DENND1B: variants seen among roughly 807,000 people sequenced by gnomAD.
DENND1B encodes the protein DENN domain containing 1B, also known as DENN domain-containing protein 1B.
Under a neutral mutation model 90.1 loss-of-function variants are expected in DENND1B, and 59 were observed. The observed-to-expected ratio is 0.65, with a 90% CI of 0.53 to 0.81. The LOEUF is 0.81. Among genes scored for constraint, DENND1B ranks in the 40% least tolerant of loss-of-function variants. The pLI is 0.00. For synonymous variants in DENND1B, 337 were observed against 324.6 expected (o/e 1.04, Z -0.41); for missense variants, 862 against 912.6 (o/e 0.94, Z 0.71).
intron 3 of DENND1B, among the ~76,000 whole-genome samples, chr1:197,706,159 T>A (rs1301548244): frequency 1.3e-5 from 2 of 152,198 alleles, no homozygotes; most frequent in African/African-American, 4.8e-5. Context: ...GGACTTAAAT[T>A]ATAGCTAAGT....
rs183543531 is a variant in DENND1B, at chr1:197,522,948, C to T, written c.1516-9995G>A. On this transcript the variant is annotated intron_variant, in intron 20 of 22. Coordinates refer to ENST00000620048, the MANE Select transcript of DENND1B (RefSeq NM_001195215.2). ...AACATGTCAGCTTAGAATAGCTGAG[C>T]GTCTCAAAGACAGGGGGAGTTTGCA... Among the ~76,000 whole-genome samples the T allele has an allele frequency of 3.9e-5, 6 of 152,184 alleles. No individual in the cohort carries two copies. In the East Asian group the frequency reaches 9.7e-4, roughly 25 times the overall value.
intron 10 of DENND1B, among the ~76,000 whole-genome samples, chr1:197,633,776 T>C (rs952075128): frequency 1.7e-4 from 26 of 152,160 alleles, no homozygotes; most frequent in African/African-American, 6.0e-4. Flanking sequence ...CTGCACCTGA[T>C]TACTGGAGTG....
intron 16 of DENND1B, among the ~76,000 whole-genome samples, chr1:197,547,986 G>T (rs1253024657): frequency 2.0e-5 from 3 of 152,106 alleles, no homozygotes; most frequent in Admixed American, 6.6e-5. Flanking sequence ...CAGTATTCTG[G>T]AAAGTGTTTT....
intron 14 of DENND1B, among the ~76,000 whole-genome samples, chr1:197,594,574 G>A (rs1675522304): frequency 6.6e-6 from 1 of 152,090 alleles, no homozygotes; most frequent in Non-Finnish European, 1.5e-5. Context: ...AGCCTAACAT[G>A]CTCTAACCAA....
At chr1:197,638,516 T>C (rs1679987178) in intron 10 of DENND1B, among the ~76,000 whole-genome samples, 2 of 152,080 alleles carry the variant, frequency 1.3e-5, no homozygotes, top group African/African-American at 4.8e-5. Flanking sequence ...CCCAGCTGAA[T>C]AGTTAGAGAA....
chr1:197,733,414 C>CT (rs1265626119), intron 2 of DENND1B, among the ~76,000 whole-genome samples: 1 of 152,214 alleles, frequency 6.6e-6, no homozygotes, highest in Non-Finnish European at 1.5e-5. Flanking sequence ...TTACCCAACA[C>CT]TTTTTCCCCC....
chr1:197,631,120 C>T (rs1454472600), intron 10 of DENND1B, among the ~76,000 whole-genome samples: 1 of 152,010 alleles, frequency 6.6e-6, no homozygotes, highest in African/African-American at 2.4e-5. Context: ...ACTTTTCCAC[C>T]AAAATTAAAG....
At chr1:197,646,985 C>T (rs1680777923) in intron 8 of DENND1B, 70 bp downstream of exon 8, 3 of 1,164,508 alleles carry the variant, frequency 2.6e-6, no homozygotes, top group Non-Finnish European at 3.5e-6. Flanking sequence ...AGCTTAAAGG[C>T]ATAGTGAAAT....
intron 2 of DENND1B, among the ~76,000 whole-genome samples, chr1:197,753,251 C>T (rs1387700840): frequency 6.6e-6 from 1 of 151,922 alleles, no homozygotes; most frequent in Non-Finnish European, 1.5e-5. Flanking sequence ...ATTATTAATG[C>T]CAACATGAAA....
intron 3 of DENND1B, among the ~76,000 whole-genome samples, chr1:197,698,244 A>G (rs1285663038): frequency 6.6e-6 from 1 of 152,136 alleles, no homozygotes; most frequent in Non-Finnish European, 1.5e-5. Context: ...TCAAATTAGA[A>G]CTCAAGATTA....
intron 20 of DENND1B, among the ~76,000 whole-genome samples, chr1:197,530,986 T>C (rs541562155): frequency 1.2e-4 from 18 of 152,130 alleles, no homozygotes; most frequent in Non-Finnish European, 2.1e-4. Context: ...GGCATGACAA[T>C]AGTGGTTAGG....
intron 13 of DENND1B, among the ~76,000 whole-genome samples, chr1:197,595,993 T>G (rs759484250): frequency 1.3e-5 from 2 of 152,040 alleles, no homozygotes; most frequent in African/African-American, 2.4e-5. Context: ...GTGAATTCAT[T>G]TGCCCTTACT....
chr1:197,610,509 C>A (rs1033265781), intron 12 of DENND1B, among the ~76,000 whole-genome samples: 1 of 150,100 alleles, frequency 6.7e-6, no homozygotes, highest in Admixed American at 6.7e-5. Flanking sequence ...TTTTTCATCT[C>A]TATAAATAAA....
intron 9 of DENND1B, among the ~76,000 whole-genome samples, chr1:197,643,412 C>T (rs895212332): frequency 2.6e-5 from 4 of 152,134 alleles, no homozygotes; most frequent in African/African-American, 7.2e-5. Context: ...CCACCTCGGC[C>T]TCCCAAGTTC....
intron 15 of DENND1B, among the ~76,000 whole-genome samples, 186 bp downstream of exon 15, chr1:197,582,966 A>G (rs1038118513): frequency 7.9e-5 from 12 of 152,336 alleles, no homozygotes; most frequent in Admixed American, 5.2e-4. Context: ...TTTTAATAGC[A>G]AAGTTATTAT....
chr1:197,563,656 A>G (rs1182703766), intron 15 of DENND1B, among the ~76,000 whole-genome samples: 3 of 151,974 alleles, frequency 2.0e-5, no homozygotes, highest in South Asian at 4.1e-4. Context: ...TCTGCAACCC[A>G]TGGATCAAGG....
chr1:197,583,059 T>C, intron 15 of DENND1B, 93 bp downstream of exon 15: 1 of 1,127,230 alleles, frequency 8.9e-7, no homozygotes, highest in Non-Finnish European at 1.3e-6. Context: ...GAAAAGATGC[T>C]ACTCAGGGTT....
chr1:197,773,655 T>C (rs1203888067), intron 1 of DENND1B, among the ~76,000 whole-genome samples: 1 of 152,278 alleles, frequency 6.6e-6, no homozygotes, highest in Non-Finnish European at 1.5e-5. Context: ...GTAAGTTTAC[T>C]TTGCTTAATT....
intron 20 of DENND1B, among the ~76,000 whole-genome samples, chr1:197,531,180 C>A (rs1454242244): frequency 6.6e-6 from 1 of 152,194 alleles, no homozygotes; most frequent in Admixed American, 6.5e-5. Flanking sequence ...CAAACATACA[C>A]AGACAGCCTC....
Sources: allele counts gnomAD v4.1 joint callset (sites outside exome capture counted in the v4.1 genomes callset), GRCh38; gene constraint gnomAD v4.1.1; transcripts MANE v1.5; gene names NCBI Gene and HGNC (gene_info 2026-07-23, HGNC 2026-07-21).